Variants in CLYBL observed in about 807,000 individuals in gnomAD.
CLYBL encodes the protein citramalyl-CoA lyase, mitochondrial.
In CLYBL, 31 loss-of-function variants were observed where a neutral mutation model predicts 38.9. The observed-to-expected ratio is 0.80, with a 90% CI of 0.60 to 1.08. The LOEUF (loss-of-function observed/expected upper bound fraction) is 1.08, where lower values mean the gene tolerates loss of function less well. Among genes scored for constraint, CLYBL ranks in the 50% least tolerant of loss-of-function variants. The probability of loss-of-function intolerance (pLI) is 0.00; values close to 1 mark genes in which losing one functional copy is unlikely to be tolerated. For missense variants in CLYBL, 434 were observed against 411.6 expected (o/e 1.05, Z -0.47); for synonymous variants, 171 against 158.6 (o/e 1.08, Z -0.59).
At chr13:99,741,788 G>C (rs1321842974) in intron 1 of CLYBL, among the ~76,000 whole-genome samples, 1 of 152,210 alleles carries the variant, frequency 6.6e-6, no homozygotes, top group Non-Finnish European at 1.5e-5. Flanking sequence ...AGCATATGTA[G>C]TGTCTCTAAC....
At chr13:99,687,116 G>A (rs939928174) in intron 1 of CLYBL, among the ~76,000 whole-genome samples, 5 of 152,194 alleles carry the variant, frequency 3.3e-5, no homozygotes, top group Non-Finnish European at 5.9e-5. Flanking sequence ...GCTCCAAGAG[G>A]CTGTAGGTCT....
intron 1 of CLYBL, among the ~76,000 whole-genome samples, chr13:99,750,148 C>T (rs1201423608): frequency 6.6e-6 from 1 of 152,110 alleles, no homozygotes; most frequent in Non-Finnish European, 1.5e-5. Flanking sequence ...TTTGTTGGCA[C>T]AGAACAGAGA....
chr13:99,859,910 G>C (rs146195772), intron 3 of CLYBL, among the ~76,000 whole-genome samples: 1 of 152,074 alleles, frequency 6.6e-6, no homozygotes, highest in South Asian at 2.1e-4. Flanking sequence ...AGCGTTTGTG[G>C]TCGGGGCGAG....
At chr13:99,845,631 T>C (rs959515422) in intron 2 of CLYBL, among the ~76,000 whole-genome samples, 2 of 151,964 alleles carry the variant, frequency 1.3e-5, no homozygotes, top group Admixed American at 6.6e-5. Flanking sequence ...CTCCCAGTGT[T>C]TGTGAGCTAG....
chr13:99,771,899 CA>C (rs1280299786), intron 1 of CLYBL, among the ~76,000 whole-genome samples: 2 of 152,206 alleles, frequency 1.3e-5, no homozygotes, highest in South Asian at 4.1e-4. Flanking sequence ...ATCTTCTCAA[CA>C]ACCTACAAAT....
chr13:99,630,837 C>T (rs1388575515), intron 1 of CLYBL, among the ~76,000 whole-genome samples: 1 of 152,046 alleles, frequency 6.6e-6, no homozygotes, highest in Non-Finnish European at 1.5e-5. Flanking sequence ...TATTCTTTTG[C>T]CTATTTTACA....
chr13:99,715,408 T>A (rs1024794755), intron 1 of CLYBL, among the ~76,000 whole-genome samples: 17 of 150,382 alleles, frequency 1.1e-4, no homozygotes, highest in Admixed American at 6.6e-5. Flanking sequence ...TTTTTTTCTT[T>A]TTCTTTTCTT....
intron 8 of CLYBL, among the ~76,000 whole-genome samples, chr13:99,903,069 A>C (rs1308008623): frequency 6.6e-6 from 1 of 152,224 alleles, no homozygotes; most frequent in African/African-American, 2.4e-5. Context: ...TTTGCCACAG[A>C]CCGTCTTCAT....
intron 1 of CLYBL, among the ~76,000 whole-genome samples, chr13:99,730,302 C>G (rs1406779828): frequency 6.6e-6 from 1 of 152,222 alleles, no homozygotes; most frequent in Admixed American, 6.5e-5. Context: ...TGTGGCAGAA[C>G]CAATCACCAC....
chr13:99,795,478 A>AT (rs2050002980), intron 2 of CLYBL, among the ~76,000 whole-genome samples: 2 of 152,080 alleles, frequency 1.3e-5, no homozygotes, highest in Admixed American at 1.3e-4. Flanking sequence ...ACATAGTGAG[A>AT]TCCCACCTCT....
chr13:99,834,436 A>G (rs764875643), intron 2 of CLYBL, among the ~76,000 whole-genome samples: 1 of 152,150 alleles, frequency 6.6e-6, no homozygotes, highest in Non-Finnish European at 1.5e-5. Context: ...GGTGGCCTGC[A>G]GGAGCCTCAA....
intron 1 of CLYBL, among the ~76,000 whole-genome samples, chr13:99,766,312 A>G (rs752774217): frequency 6.6e-6 from 1 of 152,142 alleles, no homozygotes; most frequent in Non-Finnish European, 1.5e-5. Flanking sequence ...GAAAGCCTCT[A>G]AGGAATTCTT....
At chr13:99,807,546 C>T (rs986092226) in intron 2 of CLYBL, among the ~76,000 whole-genome samples, 3 of 152,082 alleles carry the variant, frequency 2.0e-5, no homozygotes, top group African/African-American at 7.2e-5. Context: ...GAATATTACG[C>T]TGAGTGAAAT....
chr13:99,866,069 A>G (rs2051734294), intron 5 of CLYBL, among the ~76,000 whole-genome samples, 171 bp from the exon 6 acceptor site: 1 of 152,214 alleles, frequency 6.6e-6, no homozygotes. Context: ...TCGAGGTTTA[A>G]CTTGGCCTCC....
chr13:99,714,722 C>T (rs1237170980), intron 1 of CLYBL, among the ~76,000 whole-genome samples: 7 of 151,738 alleles, frequency 4.6e-5, no homozygotes, highest in South Asian at 2.1e-4. Context: ...CCGAGGTGGG[C>T]GGATCACTTG....
At chr13:99,731,661 G>C (rs887677241) in intron 1 of CLYBL, among the ~76,000 whole-genome samples, 1 of 152,198 alleles carries the variant, frequency 6.6e-6, no homozygotes, top group African/African-American at 2.4e-5. Flanking sequence ...CAGAGGCGGA[G>C]GGTAGATAGG....
intron 2 of CLYBL, among the ~76,000 whole-genome samples, chr13:99,844,506 C>T (rs1393467752): frequency 6.6e-6 from 1 of 152,174 alleles, no homozygotes; most frequent in Non-Finnish European, 1.5e-5. Context: ...ACCATTGGTC[C>T]TCTCTGTTAG....
intron 2 of CLYBL, among the ~76,000 whole-genome samples, chr13:99,814,000 A>T (rs746743005): frequency 2.6e-5 from 4 of 152,144 alleles, no homozygotes; most frequent in Non-Finnish European, 4.4e-5. Context: ...TTCATTTTGC[A>T]CAGAAATTTG....
intron 1 of CLYBL, among the ~76,000 whole-genome samples, chr13:99,765,864 T>C (rs1201924682): frequency 6.6e-6 from 1 of 151,040 alleles, no homozygotes; most frequent in Non-Finnish European, 1.5e-5. Context: ...TTTTTTTTTT[T>C]TTTTAAAGAC....
Sources: gnomAD v4.1 joint callset for allele counts (sites outside exome capture counted in the v4.1 genomes callset) on GRCh38, gnomAD v4.1.1 for gene constraint, MANE v1.5 for transcripts, NCBI Gene and HGNC (gene_info 2026-07-23, HGNC 2026-07-21) for gene names.